Variants in CTNNA2 observed in about 807,000 individuals in gnomAD.
CTNNA2 encodes the protein catenin alpha 2.
CTNNA2 carries 42 observed loss-of-function variants against 101.0 expected under a neutral mutation model. That is an observed-to-expected ratio of 0.42 (90% confidence interval 0.32 to 0.54). The LOEUF (loss-of-function observed/expected upper bound fraction) is 0.54. Ranked by LOEUF, CTNNA2 falls within the 20% of genes least tolerant of loss-of-function variation. CTNNA2 has a pLI of 0.14. For missense variants in CTNNA2, 871 were observed against 1,223.1 expected, an observed-to-expected ratio of 0.71 and a Z score of 4.29; for synonymous variants, 450 against 456.4, an observed-to-expected ratio of 0.99 and a Z score of 0.18.
At chr2:79,729,481 A>G (rs1221431859) in intron 2 of CTNNA2, among the ~76,000 whole-genome samples, 1 of 151,776 alleles carries the variant, frequency 6.6e-6, no homozygotes, top group Admixed American at 6.6e-5. Flanking sequence ...CTGACATTTC[A>G]CTCTGCAGTA....
chr2:80,388,210 G>T (rs1677192741), intron 7 of CTNNA2, among the ~76,000 whole-genome samples: 1 of 152,142 alleles, frequency 6.6e-6, no homozygotes, highest in South Asian at 2.1e-4. Flanking sequence ...TGGAGGTGCT[G>T]GTCAGATACT....
chr2:79,687,747 C>A (rs1287585934), intron 2 of CTNNA2: 4 of 484,870 alleles, frequency 8.2e-6, no homozygotes, highest in African/African-American at 6.1e-5. Context: ...AATAAGATAT[C>A]CCAAAATGCT....
chr2:80,623,280 C>T (rs756059128), intron 18 of CTNNA2, among the ~76,000 whole-genome samples: 62 of 151,808 alleles, frequency 4.1e-4, no homozygotes, highest in Middle Eastern at 3.4e-3. Flanking sequence ...AAAACAAGCA[C>T]GTGAACTAGT....
chr2:80,324,340 G>C (rs748328721), intron 7 of CTNNA2, among the ~76,000 whole-genome samples: 2 of 152,048 alleles, frequency 1.3e-5, no homozygotes, highest in Non-Finnish European at 2.9e-5. Flanking sequence ...AGTCATAGGC[G>C]AAGTCAGGAC....
chr2:79,241,323 G>T (rs1674622926), intron 2 of CTNNA2, among the ~76,000 whole-genome samples: 1 of 152,164 alleles, frequency 6.6e-6, no homozygotes, highest in Non-Finnish European at 1.5e-5. Context: ...CAGTGGCAAA[G>T]TGAGAATGAC....
chr2:80,148,503 C>T (rs1041699802), intron 7 of CTNNA2, among the ~76,000 whole-genome samples: 6 of 152,318 alleles, frequency 3.9e-5, no homozygotes, highest in African/African-American at 1.4e-4. Context: ...AGCTCATGTG[C>T]ACTGTGGGGC....
intron 3 of CTNNA2, among the ~76,000 whole-genome samples, chr2:79,846,431 C>T (rs1680235316): frequency 6.6e-6 from 1 of 152,166 alleles, no homozygotes; most frequent in Non-Finnish European, 1.5e-5. Context: ...GATATGAAAT[C>T]AGTGATGCGA....
intron 7 of CTNNA2, chr2:80,163,111 C>T (rs1280497187): frequency 1.3e-6 from 2 of 1,579,018 alleles, no homozygotes; most frequent in African/African-American, 1.4e-5. Context: ...GGTTTACCAT[C>T]CTTATCTTTT....
At chr2:79,394,461 C>A (rs745859646) in intron 4 of CTNNA2, among the ~76,000 whole-genome samples, 2 of 152,076 alleles carry the variant, frequency 1.3e-5, no homozygotes, top group African/African-American at 4.8e-5. Context: ...GTAACAGAAA[C>A]CTAACAATCA....
At chr2:79,246,584 G>A (rs371189619) in intron 2 of CTNNA2, among the ~76,000 whole-genome samples, 2 of 152,182 alleles carry the variant, frequency 1.3e-5, no homozygotes, top group African/African-American at 4.8e-5. Context: ...GAATGAAAAG[G>A]GCAAAAGGAA....
Position 80,483,863 on chromosome 2 carries a change from G to T in CTNNA2, c.1291-61119G>T, listed in dbSNP as rs189916942. On this transcript the variant is annotated intron_variant, in intron 9 of 18. Coordinates refer to ENST00000402739, the MANE Select transcript of CTNNA2 (RefSeq NM_001282597.3). ...AGACTTCAGTCTTTTAAAGACCTGT[G>T]CAGGGCTGTACAGTGTAGCTTGGTG... Among the ~76,000 whole-genome samples the T allele has an allele frequency of 4.6e-5, 7 of 152,280 alleles. No homozygotes were observed. In the East Asian group the frequency reaches 1.2e-3, roughly 25 times the overall value.
chr2:79,711,818 A>G (rs1050880506), intron 2 of CTNNA2, among the ~76,000 whole-genome samples: 2 of 152,190 alleles, frequency 1.3e-5, no homozygotes, highest in African/African-American at 4.8e-5. Flanking sequence ...ATGTAAACGA[A>G]TAGGTGTGAC....
intron 7 of CTNNA2, among the ~76,000 whole-genome samples, chr2:79,954,541 AT>A (rs1040451776): frequency 6.6e-6 from 1 of 152,148 alleles, no homozygotes; most frequent in Non-Finnish European, 1.5e-5. Context: ...GTTACGTATA[AT>A]TTTTGGCTGC....
intron 2 of CTNNA2, among the ~76,000 whole-genome samples, chr2:79,718,610 C>G (rs1686262353): frequency 6.6e-6 from 1 of 152,192 alleles, no homozygotes; most frequent in African/African-American, 2.4e-5. Context: ...AGACATATCT[C>G]TTTCCCTTTG....
At chr2:80,209,433 C>T (rs916308239) in intron 7 of CTNNA2, among the ~76,000 whole-genome samples, 4 of 152,078 alleles carry the variant, frequency 2.6e-5, no homozygotes, top group South Asian at 2.1e-4. Context: ...TCAGGTGATC[C>T]GCCCGCCTCG....
upstream of CTNNA2, among the ~76,000 whole-genome samples, chr2:79,508,343 G>A (rs1241952179): frequency 2.0e-5 from 3 of 152,136 alleles, no homozygotes; most frequent in African/African-American, 7.2e-5. Flanking sequence ...CCATAGAGCA[G>A]ATACAGGAAA....
At chr2:79,826,964 A>AT (rs1211243855) in intron 3 of CTNNA2, among the ~76,000 whole-genome samples, 7 of 152,342 alleles carry the variant, frequency 4.6e-5, no homozygotes, top group African/African-American at 1.7e-4. Context: ...GGCTTATGGC[A>AT]TAAATCCACA....
At chr2:79,725,425 TA>T (rs901238203) in intron 2 of CTNNA2, among the ~76,000 whole-genome samples, 27 of 152,206 alleles carry the variant, frequency 1.8e-4, no homozygotes, top group African/African-American at 6.5e-4. Context: ...AGTAAGTGCC[TA>T]TCAAAAAATC....
At chr2:79,504,498 C>A (rs1311958740) in intron 4 of CTNNA2, among the ~76,000 whole-genome samples, 2 of 152,074 alleles carry the variant, frequency 1.3e-5, no homozygotes, top group Non-Finnish European at 2.9e-5. Flanking sequence ...CCATATTGAC[C>A]AGGCTGGTCT....
Sources: gnomAD v4.1 joint callset for allele counts (sites outside exome capture counted in the v4.1 genomes callset) on GRCh38, gnomAD v4.1.1 for gene constraint, MANE v1.5 for transcripts, NCBI Gene and HGNC (gene_info 2026-07-23, HGNC 2026-07-21) for gene names.